The following ZP3 variants were observed in gnomAD, a reference collection of about 807,000 sequenced individuals.
The protein encoded by ZP3 is zona pellucida glycoprotein 3, also known as zona pellucida sperm-binding protein 3.
Under a neutral mutation model 35.6 loss-of-function variants are expected in ZP3, and 21 were observed. That is an observed-to-expected ratio of 0.59 (90% CI 0.42 to 0.85). The LOEUF is 0.85. ZP3 is among the 40% of genes least tolerant of loss of function. The pLI is 0.00. For synonymous variants in ZP3, 207 were observed against 214.5 expected (o/e 0.96, Z 0.31); for missense variants, 437 against 536.5 (o/e 0.81, Z 1.83).
chr7:76,404,231 C>G, intron 1 of ZP3: 1 of 1,456,476 alleles, frequency 6.9e-7, no homozygotes, highest in Non-Finnish European at 9.1e-7. Context: ...CAACCCTCCT[C>G]CTACTATAAA....
intron 1 of ZP3, among the ~76,000 whole-genome samples, chr7:76,405,353 T>C (rs1468696817): frequency 5.2e-5 from 6 of 115,672 alleles, no homozygotes; most frequent in Admixed American, 8.8e-5. Flanking sequence ...TTTTTTTTTT[T>C]TTTTTTTTGG....
chr7:76,429,717 G>A lies in ZP3; in HGVS notation c.431+84G>A. The A allele has an allele frequency of 3.5e-6, 4 of 1,155,686 alleles. No individual in the cohort carries two copies. The South Asian group carries it at 3.9e-5, about 11-fold the overall frequency. The allele number at this position is 1,155,686 out of a possible 1,614,324, so 71.6% of individuals were successfully genotyped here. A position where few individuals can be genotyped will look rare whatever the true frequency, so the allele number is the denominator to read the frequency against. On this transcript the variant is annotated intron_variant, in intron 2 of 7. Coordinates refer to ENST00000394857, the MANE Select transcript of ZP3 (RefSeq NM_001110354.2). ...GCAAGTGGGCTGGCTATGGGCTACA[G>A]CTTGCAGCATGGCTATTAGAACTAC... is the stretch of plus-strand genomic sequence containing the variant.
Position 76,433,659 on chromosome 7 carries a change from G to C in ZP3, c.713+12G>C, listed in dbSNP as rs1162881912. 6.3e-6 allele frequency: 10 copies of C among 1,587,280 alleles called. No homozygotes were observed. Among genetic ancestry groups the C allele is most frequent in the South Asian group, 1.1e-5 (1 of 88,464 alleles). ...GTGGACTTCCATGGGTGAGCACTGGGCTCCCTGCCTAGAGAACCTTCCTAG... is the reference window on the plus strand; with the variant it reads ...GTGGACTTCCATGGGTGAGCACTGGCCTCCCTGCCTAGAGAACCTTCCTAG... On this transcript the variant is annotated intron_variant, in intron 4 of 7. Coordinates refer to ENST00000394857, the MANE Select transcript of ZP3 (RefSeq NM_001110354.2).
At chr7:76,418,058 C>T (rs754381620) in intron 1 of ZP3, among the ~76,000 whole-genome samples, 1 of 151,646 alleles carries the variant, frequency 6.6e-6, no homozygotes, top group South Asian at 2.1e-4. Context: ...CTGCCTCAGC[C>T]TCCCAAGTAT....
chr7:76,424,648 A>C (rs1239428291), upstream of ZP3, among the ~76,000 whole-genome samples: 2 of 152,130 alleles, frequency 1.3e-5, no homozygotes, highest in Non-Finnish European at 2.9e-5. Flanking sequence ...AAACAAAACA[A>C]AACACAACAA....
rs1338313488 is a variant in ZP3, at chr7:76,433,733, CTG to C, written c.713+88_713+89del. Reference sequence around the variant, plus strand: ...TTTGGCTTTTTGAGACAGTGTCACTCTGTAACCCAGGCTGGAATACAGAGGCT... The same window carrying C: ...TTTGGCTTTTTGAGACAGTGTCACTCTAACCCAGGCTGGAATACAGAGGCT... On this transcript the variant is annotated intron_variant, in intron 4 of 7. Coordinates refer to ENST00000394857, the MANE Select transcript of ZP3 (RefSeq NM_001110354.2). 14 of 1,395,378 alleles carry C rather than the reference CTG, an allele frequency of 1.0e-5. 1 individual carries two copies. Among genetic ancestry groups the C allele is most frequent in the Admixed American group, 8.5e-5 (4 of 46,962 alleles). 86.4% of individuals were successfully genotyped at this position (1,395,378 alleles called of 1,614,324 possible). A position where few individuals can be genotyped will look rare whatever the true frequency, so the allele number is the denominator to read the frequency against.
exon 1 of ZP3, chr7:76,397,564 A>G: frequency 1.2e-6 from 2 of 1,604,770 alleles, no homozygotes. Flanking sequence ...AGTTGTGCAC[A>G]CCCCAGCCCA....
chr7:76,410,095 C>T (rs901302784), intron 1 of ZP3, among the ~76,000 whole-genome samples: 7 of 151,240 alleles, frequency 4.6e-5, no homozygotes, highest in Non-Finnish European at 8.8e-5. Context: ...TGCAATGGCA[C>T]GATTTCGGCT....
At chr7:76,402,644 T>C (rs932950320) in intron 1 of ZP3, among the ~76,000 whole-genome samples, 1 of 151,836 alleles carries the variant, frequency 6.6e-6, no homozygotes, top group Non-Finnish European at 1.5e-5. Flanking sequence ...TCAGCCATCA[T>C]GTATGTCCTC....
chr7:76,435,118 G>A (rs1805952656), intron 5 of ZP3, among the ~76,000 whole-genome samples: 3 of 151,920 alleles, frequency 2.0e-5, no homozygotes, highest in South Asian at 4.1e-4. Flanking sequence ...AGGCTGAGGC[G>A]GGCAGATCAC....
intron 5 of ZP3, among the ~76,000 whole-genome samples, chr7:76,438,077 G>A (rs1411822905): frequency 1.8e-4 from 28 of 152,250 alleles, no homozygotes; most frequent in Non-Finnish European, 3.4e-4. Flanking sequence ...TGAGGCTTGT[G>A]GCTCTGAGGC....
chr7:76,405,249 G>T (rs1421890690), intron 1 of ZP3, among the ~76,000 whole-genome samples: 1 of 97,580 alleles, frequency 1.0e-5, no homozygotes, highest in Non-Finnish European at 2.1e-5. Context: ...GATTACAGGC[G>T]TGCATCACCA....
At chr7:76,401,880 G>T (rs760026088) in intron 1 of ZP3, among the ~76,000 whole-genome samples, 1 of 152,186 alleles carries the variant, frequency 6.6e-6, no homozygotes, top group African/African-American at 2.4e-5. Flanking sequence ...TCTCAACTCT[G>T]TGTCCCCAGA....
chr7:76,405,619 G>A (rs750792215), intron 1 of ZP3, among the ~76,000 whole-genome samples: 8 of 151,912 alleles, frequency 5.3e-5, no homozygotes, highest in Admixed American at 2.0e-4. Flanking sequence ...CTTCCTAGAG[G>A]GGTCAGCTTC....
At chr7:76,403,176 T>C (rs1584030104) in intron 1 of ZP3, among the ~76,000 whole-genome samples, 1 of 152,002 alleles carries the variant, frequency 6.6e-6, no homozygotes, top group African/African-American at 2.4e-5. Flanking sequence ...AGAGTGGAGG[T>C]GGGAGAGGAA....
intron 5 of ZP3, among the ~76,000 whole-genome samples, chr7:76,437,235 G>C (rs1472355339): frequency 8.6e-5 from 12 of 138,736 alleles, no homozygotes; most frequent in Admixed American, 8.0e-4. Flanking sequence ...GAATGCAATG[G>C]CATGATCTCG....
At chr7:76,400,679 AT>A (rs774727687) in intron 1 of ZP3, 246 of 1,331,456 alleles carry the variant, frequency 1.8e-4, no homozygotes, top group East Asian at 2.2e-4. Context: ...TTTTATTATT[AT>A]TTTTTTTGGT....
At chr7:76,415,575 C>G (rs931812619) in intron 1 of ZP3, among the ~76,000 whole-genome samples, 2 of 150,580 alleles carry the variant, frequency 1.3e-5, no homozygotes, top group African/African-American at 4.9e-5. Context: ...CTCACTGCAA[C>G]CTCTGCCTCC....
intron 1 of ZP3, among the ~76,000 whole-genome samples, chr7:76,416,332 G>A (rs534275725): frequency 6.6e-6 from 1 of 152,164 alleles, no homozygotes; most frequent in Non-Finnish European, 1.5e-5. Flanking sequence ...AGGAGGCTGA[G>A]GTGGGGGCAT....
Sources: gnomAD v4.1 joint callset for allele counts (sites outside exome capture counted in the v4.1 genomes callset) on GRCh38, gnomAD v4.1.1 for gene constraint, MANE v1.5 for transcripts, NCBI Gene and HGNC (gene_info 2026-07-23, HGNC 2026-07-21) for gene names.